The following RALYL variants were observed in gnomAD, a reference collection of about 807,000 sequenced individuals.
The protein encoded by RALYL is RNA-binding Raly-like protein.
RALYL carries 29 observed loss-of-function variants against 35.1 expected under a neutral mutation model. The ratio of observed to expected loss-of-function variants is 0.83; its 90% CI spans 0.61 to 1.13. RALYL has a LOEUF of 1.13. Among genes scored for constraint, RALYL ranks in the 50% most tolerant of loss-of-function variants. The pLI is 0.00. For missense variants in RALYL, 359 were observed against 360.4 expected (o/e 1.00, Z 0.03); for synonymous variants, 120 against 127.6 (o/e 0.94, Z 0.40).
intron 2 of RALYL, among the ~76,000 whole-genome samples, chr8:84,530,023 T>G (rs916893933): frequency 2.6e-5 from 4 of 152,120 alleles, no homozygotes; most frequent in African/African-American, 9.7e-5. Context: ...GAAAGTAAAT[T>G]TTTAGAATGG....
chr8:84,526,282 ACTTTT>A (rs2058890362), intron 1 of RALYL, among the ~76,000 whole-genome samples: 1 of 151,942 alleles, frequency 6.6e-6, no homozygotes, highest in Admixed American at 6.6e-5. Flanking sequence ...GAAGTGTTAT[ACTTTT>A]CTTTGACAGA....
At position 84,887,766 on chromosome 8, in the gene RALYL, G is replaced by A. The variant is rs190176889; in HGVS notation, c.848G>A (p.Gly283Asp). 1 of 1,612,162 alleles carries A rather than the reference G, an allele frequency of 6.2e-7. No individual in the cohort carries two copies. Among genetic ancestry groups the A allele is most frequent in the Non-Finnish European group, 8.5e-7 (1 of 1,179,234 alleles). The change falls in exon 8 of 9, where the codon GGT (glycine) becomes GAT (aspartate). Residue 283 changes from glycine to aspartate, a missense_variant. Transcript: ENST00000521268. ...GAGGAGGACTTCGATGAAGATGGGGGTCATGAGCTGGTAGGAAAGAAACAT... is the reference window on the plus strand; with the variant it reads ...GAGGAGGACTTCGATGAAGATGGGGATCATGAGCTGGTAGGAAAGAAACAT... Reference protein sequence around the residue: ...GIEEDFDEDGGHELFLQIK With the variant: ...GIEEDFDEDGDHELFLQIK
chr8:84,633,769 C>G (rs1330469528), intron 2 of RALYL, among the ~76,000 whole-genome samples: 1 of 151,812 alleles, frequency 6.6e-6, no homozygotes, highest in Non-Finnish European at 1.5e-5. Context: ...GTATGCCTAT[C>G]TCTCATGTGT....
At chr8:84,778,456 G>C (rs899287190) in intron 3 of RALYL, among the ~76,000 whole-genome samples, 7 of 152,192 alleles carry the variant, frequency 4.6e-5, no homozygotes, top group Admixed American at 2.6e-4. Flanking sequence ...TTATGCATAA[G>C]TTAGATGCAC....
In RALYL at chr8:84,515,214, C is replaced by T. The variant is rs140341455; in HGVS notation, c.-23-14085C>T. Among the ~76,000 whole-genome samples, 1,432 of 152,226 alleles carry T rather than the reference C, an allele frequency of 9.4e-3. 12 individuals carry two copies. Among genetic ancestry groups the T allele is most frequent in the Non-Finnish European group, 0.014 (946 of 68,012 alleles). On this transcript the variant is annotated intron_variant, in intron 1 of 8. Transcript: ENST00000521268. The stretch of plus-strand genomic sequence containing the variant: ...CACCTAGAAAATAGCTACATAGTGA[C>T]AGTGATTATTTCTAAATATACTTTA...
intron 1 of RALYL, among the ~76,000 whole-genome samples, chr8:84,336,379 C>T (rs943192828): frequency 6.6e-6 from 1 of 151,880 alleles, no homozygotes; most frequent in Admixed American, 6.6e-5. Flanking sequence ...TTCTTTCTTC[C>T]AATGTCCTCA....
At chr8:84,606,390 G>A (rs1227876984) in intron 2 of RALYL, among the ~76,000 whole-genome samples, 1 of 152,086 alleles carries the variant, frequency 6.6e-6, no homozygotes, top group East Asian at 1.9e-4. Flanking sequence ...AATCCTTAAT[G>A]TTAGTCTTTG....
chr8:84,524,988 C>G (rs1273844029), intron 1 of RALYL, among the ~76,000 whole-genome samples: 1 of 101,834 alleles, frequency 9.8e-6, no homozygotes, highest in Non-Finnish European at 2.3e-5. Context: ...AAGGCAAGAT[C>G]CCTGTTAGCC....
At chr8:84,806,958 C>T (rs1015357894) in intron 4 of RALYL, among the ~76,000 whole-genome samples, 5 of 152,068 alleles carry the variant, frequency 3.3e-5, no homozygotes, top group Non-Finnish European at 7.4e-5. Flanking sequence ...CTACAATGAA[C>T]CGAGATCGCA....
chr8:84,257,370 G>A (rs1270781157), intron 1 of RALYL, among the ~76,000 whole-genome samples: 4 of 152,012 alleles, frequency 2.6e-5, no homozygotes, highest in Non-Finnish European at 5.9e-5. Context: ...ATTTATGCAG[G>A]ATTTCATTGT....
At chr8:84,295,538 G>A (rs80131627) in intron 1 of RALYL, among the ~76,000 whole-genome samples, 3,749 of 152,146 alleles carry the variant, frequency 0.025, 97 homozygotes, top group Non-Finnish European at 0.031. Context: ...GTGCTCTAGT[G>A]ATCCTCCTGT....
chr8:84,523,679 C>T (rs1439325686), intron 1 of RALYL, among the ~76,000 whole-genome samples: 1 of 120,036 alleles, frequency 8.3e-6, no homozygotes, highest in African/African-American at 3.2e-5. Flanking sequence ...CCCCACCCCA[C>T]CACAGTCCCC....
chr8:84,789,750 C>T (rs957401191), intron 3 of RALYL, among the ~76,000 whole-genome samples: 1 of 152,044 alleles, frequency 6.6e-6, no homozygotes, highest in Admixed American at 6.6e-5. Context: ...CCCAGCTACT[C>T]AGAAGGCTGA....
At chr8:84,604,759 C>T (rs1459183559) in intron 2 of RALYL, among the ~76,000 whole-genome samples, 6 of 152,064 alleles carry the variant, frequency 3.9e-5, no homozygotes, top group Non-Finnish European at 8.8e-5. Context: ...GGATTTGTTA[C>T]CAAGAGAAAC....
At chr8:84,717,327 T>A (rs1482267117) in intron 2 of RALYL, among the ~76,000 whole-genome samples, 2 of 152,212 alleles carry the variant, frequency 1.3e-5, no homozygotes, top group African/African-American at 4.8e-5. Flanking sequence ...GATGCTATAT[T>A]TTTTGTACTG....
rs148101733 is a variant in RALYL at position 84,522,019 on chromosome 8, C to T, written c.-23-7280C>T. On this transcript the variant is annotated intron_variant, in intron 1 of 8. Transcript: ENST00000521268. ...AGTAATTTCATTTTTATGTTGCTTA[C>T]GATAATTTTAATAAATTTTGATGAG... 8.8e-3 allele frequency among the ~76,000 whole-genome samples: 1,335 copies of T among 151,912 alleles called. 19 individuals carry two copies. Among genetic ancestry groups the T allele is most frequent in the African/African-American group, 0.029 (1,204 of 41,444 alleles).
intron 2 of RALYL, among the ~76,000 whole-genome samples, chr8:84,626,992 A>C (rs1822873077): frequency 6.6e-6 from 1 of 152,146 alleles, no homozygotes; most frequent in African/African-American, 2.4e-5. Flanking sequence ...ATTCTAGACA[A>C]AGAAAAAATT....
chr8:84,248,169 C>G (rs1829489092), intron 1 of RALYL, among the ~76,000 whole-genome samples: 1 of 151,920 alleles, frequency 6.6e-6, no homozygotes, highest in Non-Finnish European at 1.5e-5. Context: ...TGCTTGGTAC[C>G]AAAATATGTG....
intron 8 of RALYL, among the ~76,000 whole-genome samples, chr8:84,897,865 G>A (rs1261401457): frequency 1.3e-5 from 2 of 152,186 alleles, no homozygotes; most frequent in South Asian, 4.1e-4. Flanking sequence ...TAGAAGAGAA[G>A]ATGTTGCAAC....
Sources: gnomAD v4.1 joint callset for allele counts (sites outside exome capture counted in the v4.1 genomes callset) on GRCh38, gnomAD v4.1.1 for gene constraint, MANE v1.5 for transcripts, NCBI Gene and HGNC (gene_info 2026-07-23, HGNC 2026-07-21) for gene names.